CDH18: variants seen among roughly 807,000 people sequenced by gnomAD.
CDH18 encodes cadherin-18.
In CDH18, 31 loss-of-function variants were observed where a neutral mutation model predicts 67.9. The observed-to-expected ratio is 0.46, with a 90% CI of 0.34 to 0.62. The LOEUF (loss-of-function observed/expected upper bound fraction) is 0.62, where lower values mean the gene tolerates loss of function less well. Among genes scored for constraint, CDH18 ranks in the 20% least tolerant of loss-of-function variants. CDH18 has a pLI of 0.01. For missense variants in CDH18, 890 were observed against 975.5 expected (o/e 0.91, Z 1.17); for synonymous variants, 362 against 347.2 (o/e 1.04, Z -0.48).
At chr5:20,429,978 A>G (rs1748609765) in intron 1 of CDH18, among the ~76,000 whole-genome samples, 1 of 152,138 alleles carries the variant, frequency 6.6e-6, no homozygotes, top group African/African-American at 2.4e-5. Context: ...GGAAGCTTCC[A>G]CTTTTCATAT....
At chr5:19,885,599 T>C (rs1788107020) in intron 2 of CDH18, among the ~76,000 whole-genome samples, 1 of 152,170 alleles carries the variant, frequency 6.6e-6, no homozygotes, top group African/African-American at 2.4e-5. Flanking sequence ...TTGATCTGTT[T>C]GCTCAGGCTG....
At chr5:20,339,914 C>T (rs557748039) in intron 1 of CDH18, among the ~76,000 whole-genome samples, 1 of 152,190 alleles carries the variant, frequency 6.6e-6, no homozygotes, top group Non-Finnish European at 1.5e-5. Context: ...AATTTGAAGA[C>T]AAACTTTGTG....
intron 3 of CDH18, among the ~76,000 whole-genome samples, chr5:19,749,837 A>G (rs1016265099): frequency 1.6e-5 from 2 of 124,664 alleles, no homozygotes; most frequent in Non-Finnish European, 3.7e-5. Flanking sequence ...ATTAATAAAC[A>G]GTTTTTATAA....
intron 1 of CDH18, among the ~76,000 whole-genome samples, chr5:20,392,408 A>G (rs140800008): frequency 0.011 from 1,717 of 151,968 alleles, 41 homozygotes; most frequent in African/African-American, 0.039. Flanking sequence ...TCTTTATCCA[A>G]TGGTCCCTAT....
chr5:19,480,282 T>C (rs1391477724), intron 12 of CDH18, among the ~76,000 whole-genome samples: 11 of 152,132 alleles, frequency 7.2e-5, no homozygotes, highest in African/African-American at 2.6e-4. Context: ...TTTTCAAATA[T>C]ACACAAAAAA....
At chr5:19,889,247 C>T (rs1788541848) in intron 2 of CDH18, among the ~76,000 whole-genome samples, 1 of 151,790 alleles carries the variant, frequency 6.6e-6, no homozygotes, top group African/African-American at 2.4e-5. Context: ...TATGGATGGC[C>T]ATTTGTATAT....
At chr5:20,405,741 GA>G (rs1434794222) in intron 1 of CDH18, among the ~76,000 whole-genome samples, 1 of 151,752 alleles carries the variant, frequency 6.6e-6, no homozygotes, top group Non-Finnish European at 1.5e-5. Context: ...AAATTTACAA[GA>G]AAATAAAACC....
chr5:19,737,496 T>C (rs1342422753), intron 4 of CDH18, among the ~76,000 whole-genome samples: 1 of 152,172 alleles, frequency 6.6e-6, no homozygotes, highest in East Asian at 1.9e-4. Context: ...CTTCACTCTA[T>C]ATCTAATCAC....
intron 1 of CDH18, among the ~76,000 whole-genome samples, chr5:20,453,114 C>T (rs145061584): frequency 5.3e-5 from 8 of 152,188 alleles, no homozygotes; most frequent in African/African-American, 1.7e-4. Flanking sequence ...GCACAGGGGC[C>T]CCTTGCTCAA....
intron 5 of CDH18, among the ~76,000 whole-genome samples, chr5:19,720,339 T>C (rs1244670061): frequency 6.6e-6 from 1 of 152,188 alleles, no homozygotes; most frequent in Non-Finnish European, 1.5e-5. Context: ...TGCCAGATGT[T>C]GATCTGATTC....
At chr5:19,822,722 A>C (rs546421027) in intron 3 of CDH18, among the ~76,000 whole-genome samples, 12 of 152,212 alleles carry the variant, frequency 7.9e-5, no homozygotes, top group Non-Finnish European at 1.6e-4. Flanking sequence ...GCGAGATCAC[A>C]GGACCACAGG....
chr5:20,269,040 A>T (rs1320779074), intron 1 of CDH18, among the ~76,000 whole-genome samples: 4 of 152,164 alleles, frequency 2.6e-5, no homozygotes, highest in African/African-American at 4.8e-5. Flanking sequence ...ACAACAGCAA[A>T]ACCAAATAAT....
intron 1 of CDH18, among the ~76,000 whole-genome samples, chr5:20,543,687 C>A (rs1323859688): frequency 6.6e-6 from 1 of 152,064 alleles, no homozygotes; most frequent in African/African-American, 2.4e-5. Flanking sequence ...TAAATATGTG[C>A]AAAGATGTAT....
intron 1 of CDH18, chr5:20,305,361 A>G (rs1580710921): frequency 6.4e-7 from 1 of 1,569,224 alleles, no homozygotes; most frequent in African/African-American, 1.4e-5. Context: ...AGACTTCCTC[A>G]CTGGCCACAG....
chr5:19,929,212 C>T (rs1160206022), intron 2 of CDH18, among the ~76,000 whole-genome samples: 5 of 152,114 alleles, frequency 3.3e-5, no homozygotes, highest in Non-Finnish European at 7.3e-5. Context: ...TGAGTCATCA[C>T]TTCTTCCTCT....
chr5:20,026,271 T>G (rs1738891423), intron 2 of CDH18, among the ~76,000 whole-genome samples: 1 of 152,184 alleles, frequency 6.6e-6, no homozygotes, highest in Admixed American at 6.5e-5. Flanking sequence ...GGCCAAATCA[T>G]AAATTTGCTA....
chr5:19,932,650 T>C (rs2150203795), intron 2 of CDH18, among the ~76,000 whole-genome samples: 1 of 151,870 alleles, frequency 6.6e-6, no homozygotes, highest in East Asian at 1.9e-4. Context: ...TTATACTAAT[T>C]TTTAACAAAT....
chr5:20,111,926 CAGTAA>C (rs1169543998), intron 2 of CDH18, among the ~76,000 whole-genome samples: 11 of 152,250 alleles, frequency 7.2e-5, no homozygotes, highest in East Asian at 3.9e-4. Flanking sequence ...TTACACTTGT[CAGTAA>C]AGTAGTGTTT....
At chr5:19,545,051 A>C (rs1273318982) in intron 8 of CDH18, among the ~76,000 whole-genome samples, 1 of 152,106 alleles carries the variant, frequency 6.6e-6, no homozygotes, top group Non-Finnish European at 1.5e-5. Flanking sequence ...CTGAATATAT[A>C]CTATTAAACA....
Sources: gnomAD v4.1 joint callset for allele counts (sites outside exome capture counted in the v4.1 genomes callset) on GRCh38, gnomAD v4.1.1 for gene constraint, MANE v1.5 for transcripts, NCBI Gene and HGNC (gene_info 2026-07-23, HGNC 2026-07-21) for gene names.